Variants in SPG11 observed in about 807,000 individuals in gnomAD.
SPG11 encodes spatacsin.
In SPG11, 222 loss-of-function variants were observed where a neutral mutation model predicts 274.0. The observed-to-expected ratio is 0.81, with a 90% CI of 0.73 to 0.91. The LOEUF (loss-of-function observed/expected upper bound fraction) is 0.91. Ranked by LOEUF, SPG11 falls within the 40% of genes least tolerant of loss-of-function variation. The pLI is 0.00. For synonymous variants in SPG11, 1,144 were observed against 1,039.7 expected, an observed-to-expected ratio of 1.10 and a Z score of -1.93; for missense variants, 3,114 against 2,872.7, an observed-to-expected ratio of 1.08 and a Z score of -1.92.
chr15:44,566,342 T>G (rs766472705), intron 36 of SPG11, 37 bp from the exon 37 acceptor site: 1 of 1,587,770 alleles, frequency 6.3e-7, no homozygotes, highest in South Asian at 1.1e-5. Flanking sequence ...CGAGTCTGAC[T>G]CCCAAAGCTC....
At chr15:44,595,939 A>C in intron 25 of SPG11, 144 bp downstream of exon 25, 2 of 1,123,110 alleles carry the variant, frequency 1.8e-6, no homozygotes, top group South Asian at 2.6e-5. Context: ...CTAGAGAAGC[A>C]CAAAATGTTG....
chr15:44,651,521 C>T lies in SPG11; in HGVS notation c.1426G>A (p.Gly476Arg). 1 of 1,614,174 alleles carries T rather than the reference C, an allele frequency of 6.2e-7. No individual in the cohort carries two copies. The highest frequency in any genetic ancestry group is 8.5e-7 in the Non-Finnish European group (1 of 1,180,030). The change falls in exon 6 of 40, where the codon GGA (glycine) becomes AGA (arginine). Residue 476 changes from glycine (G) to arginine (R), a missense_variant. By Grantham distance (125) the Gly-to-Arg change is moderately radical. Transcript: ENST00000261866. ...GTKCIPVDSS[G>R]DQQLCFVLTE... ...AAAACAAAGCACAGCTGCTGGTCTC[C>T]ACTACTGTCTACAGGAATACACTTT...
At chr15:44,587,671 G>C (rs1348815692) in intron 28 of SPG11, among the ~76,000 whole-genome samples, 1 of 127,948 alleles carries the variant, frequency 7.8e-6, no homozygotes, top group Non-Finnish European at 1.6e-5. Context: ...ACTCCAGCTT[G>C]GGCAACAGAG....
In SPG11 at chr15:44,608,439, T is replaced by C. The variant is rs983973496; in HGVS notation, c.3453+5A>G. 2.6e-5 allele frequency: 42 copies of C among 1,613,882 alleles called. No individual in the cohort carries two copies. Among genetic ancestry groups the C allele is most frequent in the Non-Finnish European group, 2.9e-5 (34 of 1,179,896 alleles). ...ACCTAAATATTGGCCACCTAAATAC[T>C]GTACCTGAATAAGGTGGTAGATTGT... On this transcript the variant is annotated splice_donor_5th_base_variant and intron_variant, in intron 19 of 39. Transcript: ENST00000261866.
At chr15:44,622,089 TG>T in intron 13 of SPG11, 130 bp downstream of exon 13, 2 of 1,231,300 alleles carry the variant, frequency 1.6e-6, no homozygotes, top group Non-Finnish European at 2.3e-6. Flanking sequence ...CCCTTCTGTC[TG>T]ATACAAGTTT....
At chr15:44,621,352 C>A in intron 14 of SPG11, 2 of 156,108 alleles carry the variant, frequency 1.3e-5, no homozygotes, top group Non-Finnish European at 2.8e-5. Context: ...AATAAACAAA[C>A]AAAAACTTCA....
chr15:44,639,976 C>T (rs185996593), intron 7 of SPG11, among the ~76,000 whole-genome samples: 118 of 152,078 alleles, frequency 7.8e-4, no homozygotes, highest in African/African-American at 2.7e-3. Flanking sequence ...TTTGGGAGGC[C>T]GAGGCAGGCA....
At chr15:44,585,946 T>A in intron 28 of SPG11, 96 bp from the exon 29 acceptor site, 1 of 993,528 alleles carries the variant, frequency 1.0e-6, no homozygotes, top group Non-Finnish European at 1.6e-6. Flanking sequence ...TATACGTGTT[T>A]AACATAGTAA....
chr15:44,601,518 C>T (rs1302126292), intron 20 of SPG11, among the ~76,000 whole-genome samples: 1 of 150,788 alleles, frequency 6.6e-6, no homozygotes, highest in Admixed American at 6.6e-5. Flanking sequence ...GCCTTGGCCT[C>T]CCAGAGTGCT....
intron 7 of SPG11, among the ~76,000 whole-genome samples, chr15:44,638,051 CATA>C (rs769077934): frequency 1.8e-4 from 27 of 152,124 alleles, no homozygotes; most frequent in African/African-American, 6.3e-4. Flanking sequence ...AACCTAAATA[CATA>C]ATAATGTCTA....
At chr15:44,649,460 T>C (rs1412861773) in intron 6 of SPG11, among the ~76,000 whole-genome samples, 1 of 152,196 alleles carries the variant, frequency 6.6e-6, no homozygotes, top group Non-Finnish European at 1.5e-5. Context: ...CTCACACTCC[T>C]GGCTTCAAGT....
At position 44,628,856 on chromosome 15, in the gene SPG11, A is replaced by C; in HGVS notation, c.1892-12T>G. 3.1e-6 allele frequency: 5 copies of C among 1,611,130 alleles called. No individual in the cohort carries two copies. The highest frequency in any genetic ancestry group is 4.2e-6 in the Non-Finnish European group (5 of 1,178,848). ...ATGTTCATCTAGTTCTATGGAAAAT[A>C]CCAATGTGCCAATTTGTGTGTGTGT... On this transcript the variant is annotated splice_polypyrimidine_tract_variant and intron_variant, in intron 9 of 39. Coordinates refer to ENST00000261866, the MANE Select transcript of SPG11 (RefSeq NM_025137.4).
chr15:44,633,648 G>A lies in SPG11; in HGVS notation c.1603-11C>T, dbSNP rs2084149936. On this transcript the variant is annotated splice_polypyrimidine_tract_variant and intron_variant, in intron 7 of 39. Transcript: ENST00000261866. ...ATTTTCTATCCCGGCCTGAAATGAG[G>A]AGGAAAATAAAAATCAGAAAAAAAT... 1 of 1,602,602 alleles carries A rather than the reference G, an allele frequency of 6.2e-7. No homozygotes were observed.
Position 44,563,128 on chromosome 15 carries a change from G to C in SPG11, c.7325C>G (p.Ala2442Gly), listed in dbSNP as rs762374689. 6.2e-7 allele frequency: 1 copy of C among 1,613,936 alleles called. No homozygotes were observed. Among genetic ancestry groups the C allele is most frequent in the Non-Finnish European group, 8.5e-7 (1 of 1,179,920 alleles). ...AGACACCTATGAAATCATCTAACCT[G>C]CTAGCATGTCCTTTAGACAGCAACC... ...QTGCCLKDML[A>G]G Residue 2442 changes from alanine to glycine, a missense_variant, in exon 40 of 40, where the codon GCA becomes GGA. Coordinates refer to ENST00000261866, the MANE Select transcript of SPG11 (RefSeq NM_025137.4).
intron 10 of SPG11, among the ~76,000 whole-genome samples, chr15:44,627,408 G>T (rs992056755): frequency 2.6e-5 from 4 of 152,032 alleles, no homozygotes; most frequent in Non-Finnish European, 2.9e-5. Flanking sequence ...TTGAAGACAG[G>T]GTCTACAATT....
Position 44,629,335 on chromosome 15 carries a change from T to C in SPG11, c.1789A>G (p.Ser597Gly). ...TGTTTGCTTTGGGGTTCAGAATAAC[T>C]TTCTCTAATTGCCGAGCAAAGTAAA... is the stretch of plus-strand genomic sequence containing the variant. ...LDLLCSAIRE[S>G]YSEPQSKHFS... Residue 597 changes from serine (S) to glycine (G), a missense_variant, in exon 9 of 40, where the codon AGT (serine) becomes GGT (glycine). Physicochemically the swap from Ser to Gly is moderately conservative, Grantham distance 56 (BLOSUM62 0). Coordinates refer to ENST00000261866, the MANE Select transcript of SPG11 (RefSeq NM_025137.4). The C allele has an allele frequency of 6.2e-7, 1 of 1,614,186 alleles. No individual in the cohort carries two copies. Among genetic ancestry groups the C allele is most frequent in the Non-Finnish European group, 8.5e-7 (1 of 1,180,028 alleles).
At chr15:44,573,795 A>G in intron 31 of SPG11, 50 bp from the exon 32 acceptor site, 2 of 1,573,248 alleles carry the variant, frequency 1.3e-6, no homozygotes, top group Non-Finnish European at 1.7e-6. Flanking sequence ...GCCAGGAAAA[A>G]GCAAAAGAGC....
At chr15:44,608,680 CT>C in intron 18 of SPG11, 75 bp from the exon 19 acceptor site, 1 of 1,418,934 alleles carries the variant, frequency 7.0e-7, no homozygotes. Context: ...TCACAAGAAC[CT>C]TGTGAAACAA....
chr15:44,638,540 G>A (rs193138336), intron 7 of SPG11, among the ~76,000 whole-genome samples: 13 of 138,558 alleles, frequency 9.4e-5, no homozygotes, highest in African/African-American at 3.7e-4. Context: ...ACAAACTTTA[G>A]ATCTGATAAT....
Sources: gnomAD v4.1 joint callset for allele counts (sites outside exome capture counted in the v4.1 genomes callset) on GRCh38, gnomAD v4.1.1 for gene constraint, MANE v1.5 for transcripts, NCBI Gene and HGNC (gene_info 2026-07-23, HGNC 2026-07-21) for gene names.